The following PRDM16 variants were observed in gnomAD, a reference collection of about 807,000 sequenced individuals.
PRDM16 encodes histone-lysine N-methyltransferase PRDM16.
A neutral mutation model predicts 110.6 loss-of-function variants in PRDM16; 23 were observed. The observed-to-expected ratio is 0.21, with a 90% CI of 0.15 to 0.29. The LOEUF (loss-of-function observed/expected upper bound fraction) is 0.29. PRDM16 is among the 10% of genes least tolerant of loss of function. The probability of loss-of-function intolerance (pLI) is 1.00; values close to 1 mark genes in which losing one functional copy is unlikely to be tolerated. For missense variants in PRDM16, 1,615 were observed against 1,794.3 expected, an observed-to-expected ratio of 0.90 and a Z score of 1.81; for synonymous variants, 799 against 781.8, an observed-to-expected ratio of 1.02 and a Z score of -0.37.
chr1:3,270,899 G>A (rs1003535410), intron 3 of PRDM16, among the ~76,000 whole-genome samples: 1 of 151,886 alleles, frequency 6.6e-6, no homozygotes, highest in African/African-American at 2.4e-5. Context: ...GTTGGGAGGA[G>A]GGCAGTACAG....
At chr1:3,124,975 C>G (rs2100670029) in intron 1 of PRDM16, among the ~76,000 whole-genome samples, 1 of 152,366 alleles carries the variant, frequency 6.6e-6, no homozygotes, top group South Asian at 2.1e-4. Context: ...GTTCCAGCTC[C>G]CGCAATGTTC....
intron 3 of PRDM16, among the ~76,000 whole-genome samples, chr1:3,326,091 C>CTCG (rs1557610851): frequency 4.5e-4 from 58 of 128,336 alleles, no homozygotes; most frequent in East Asian, 1.1e-3. Context: ...CTTGGCCCCC[C>CTCG]TTGGCCATCC....
In PRDM16 at chr1:3,245,654, T is replaced by C. The variant is rs1406122855; in HGVS notation, c.438+1517T>C. 1.3e-5 allele frequency among the ~76,000 whole-genome samples: 2 copies of C among 152,216 alleles called. No individual in the cohort carries two copies. Among genetic ancestry groups the C allele is most frequent in the African/African-American group, 4.8e-5 (2 of 41,458 alleles). ...AGGTCTTCCTGCACCCACGTTTGAC[T>C]GGAGCAAATGGAGCAAATTCCAGGG... On this transcript the variant is annotated intron_variant, in intron 3 of 16. Coordinates refer to ENST00000270722, the MANE Select transcript of PRDM16 (RefSeq NM_022114.4). This position sits in a 1 kb window ranked among gnomAD's most constrained non-coding sequence, Gnocchi z 4.7.
At position 3,114,459 on chromosome 1, in the gene PRDM16, GCA is replaced by G. The variant is rs575467631; in HGVS notation, c.37+45169_37+45170del. ...TAAACAGACGCACACGCACACACAC[GCA>G]CACACGCAGTGTAAACAGACACGCA... On this transcript the variant is annotated intron_variant, in intron 1 of 16. Coordinates refer to ENST00000270722, the MANE Select transcript of PRDM16 (RefSeq NM_022114.4). Among the ~76,000 whole-genome samples the G allele has an allele frequency of 2.0e-3, 275 of 138,222 alleles. 2 individuals are homozygous for G. Among genetic ancestry groups the G allele is most frequent in the African/African-American group, 7.6e-3 (260 of 34,018 alleles). 90.7% of individuals were successfully genotyped at this position (138,222 alleles called of 152,430 possible).
rs940267222 is a variant in PRDM16, at chr1:3,382,850, G to C, written c.439-2302G>C. On this transcript the variant is annotated intron_variant, in intron 3 of 16. Coordinates refer to ENST00000270722, the MANE Select transcript of PRDM16 (RefSeq NM_022114.4). The surrounding 1 kb of genome is among the most constrained non-coding windows in gnomAD (Gnocchi z 6.6). ...GGCACTGTGTACAATGTGCTGTGAC[G>C]TCAGCAGGCCTCTATGGAGAAGTGG... 3.3e-5 allele frequency among the ~76,000 whole-genome samples: 5 copies of C among 152,238 alleles called. No individual in the cohort carries two copies. Among genetic ancestry groups the C allele is most frequent in the Non-Finnish European group, 2.9e-5 (2 of 68,036 alleles).
intron 1 of PRDM16, among the ~76,000 whole-genome samples, chr1:3,141,414 C>A (rs1643547416): frequency 6.6e-6 from 1 of 152,228 alleles, no homozygotes; most frequent in Non-Finnish European, 1.5e-5. Context: ...TCTGCAGCCT[C>A]CTCGGTCTCC....
chr1:3,195,016 C>T (rs574031721), intron 2 of PRDM16, among the ~76,000 whole-genome samples: 3 of 152,324 alleles, frequency 2.0e-5, no homozygotes, highest in Admixed American at 6.5e-5. Flanking sequence ...GGAGGCCTCA[C>T]GTCTAAAACC....
rs1451894889 is a variant in PRDM16, at chr1:3,081,259, A to T, written c.37+11963A>T. ...TGGGTTCGAGGCCCCTCGCGGCTGT[A>T]CCCCGAGTCCCCCGTGCTGGCACCT... On this transcript the variant is annotated intron_variant, in intron 1 of 16. Coordinates refer to ENST00000270722, the MANE Select transcript of PRDM16 (RefSeq NM_022114.4). This position sits in a 1 kb window ranked among gnomAD's most constrained non-coding sequence, Gnocchi z 4.6. Among the ~76,000 whole-genome samples, 1 of 152,122 alleles carries T rather than the reference A, an allele frequency of 6.6e-6. No homozygotes were observed.
intron 3 of PRDM16, chr1:3,306,750 G>T (rs749511007): frequency 2.0e-5 from 3 of 152,258 alleles, no homozygotes; most frequent in South Asian, 2.1e-4. Context: ...ACAGACTTGT[G>T]CAACCATCAC....
chr1:3,137,150 A>C lies in PRDM16; in HGVS notation c.38-48975A>C, dbSNP rs144162922. Among the ~76,000 whole-genome samples, 454 of 152,320 alleles carry C rather than the reference A, an allele frequency of 3.0e-3. 2 individuals are homozygous for C. The highest frequency in any genetic ancestry group is 5.5e-3 in the Non-Finnish European group (375 of 68,022). On this transcript the variant is annotated intron_variant, in intron 1 of 16. Coordinates refer to ENST00000270722, the MANE Select transcript of PRDM16 (RefSeq NM_022114.4). Reference sequence around the variant, plus strand: ...AGCCTGGAGCCACTCCCACCAGAACAGGGTGACCCTGGCTGCCTCCGGCAT... The same window carrying C: ...AGCCTGGAGCCACTCCCACCAGAACCGGGTGACCCTGGCTGCCTCCGGCAT...
intron 2 of PRDM16, among the ~76,000 whole-genome samples, chr1:3,223,816 G>C (rs964359417): frequency 1.1e-4 from 16 of 152,144 alleles, no homozygotes; most frequent in Non-Finnish European, 2.9e-5. Context: ...ACCAGAGTGG[G>C]ACCAGCACAG....
intron 1 of PRDM16, among the ~76,000 whole-genome samples, chr1:3,136,277 G>A (rs890466897): frequency 2.6e-5 from 4 of 152,234 alleles, no homozygotes; most frequent in African/African-American, 4.8e-5. Context: ...AGCCCCGCGC[G>A]ATGCTCCGGG....
chr1:3,236,574 G>A (rs1292428961), intron 2 of PRDM16, among the ~76,000 whole-genome samples: 1 of 152,118 alleles, frequency 6.6e-6, no homozygotes, highest in East Asian at 1.9e-4. Flanking sequence ...GGGTGCCTGG[G>A]TGACCCGGGC....
At chr1:3,316,858 C>T (rs1557602952) in intron 3 of PRDM16, among the ~76,000 whole-genome samples, 1 of 152,184 alleles carries the variant, frequency 6.6e-6, no homozygotes, top group Non-Finnish European at 1.5e-5. Flanking sequence ...GAAACAGTGA[C>T]ACAGTGGAGC....
chr1:3,314,674 C>T (rs1207795460), intron 3 of PRDM16, among the ~76,000 whole-genome samples: 7 of 151,928 alleles, frequency 4.6e-5, no homozygotes, highest in East Asian at 1.9e-4. Flanking sequence ...CGCCTTCGCC[C>T]CCGTAGCCAG....
intron 3 of PRDM16, among the ~76,000 whole-genome samples, chr1:3,292,347 CCCT>C (rs1640994537): frequency 6.6e-6 from 1 of 152,184 alleles, no homozygotes; most frequent in African/African-American, 2.4e-5. Flanking sequence ...CATTTTTAGC[CCCT>C]GGGAATCAAA....
chr1:3,282,532 C>T (rs1303748501), intron 3 of PRDM16, among the ~76,000 whole-genome samples: 5 of 152,184 alleles, frequency 3.3e-5, no homozygotes, highest in Non-Finnish European at 7.4e-5. Context: ...TGATGCTGCT[C>T]CATGCACACC....
intron 3 of PRDM16, among the ~76,000 whole-genome samples, chr1:3,336,833 C>T (rs1372670408): frequency 2.7e-5 from 4 of 147,038 alleles, no homozygotes; most frequent in Non-Finnish European, 4.5e-5. Context: ...TGTGCATGAA[C>T]ATTCACACAC....
intron 3 of PRDM16, among the ~76,000 whole-genome samples, chr1:3,262,811 G>C (rs1234453994): frequency 6.6e-6 from 1 of 152,206 alleles, no homozygotes; most frequent in Non-Finnish European, 1.5e-5. Flanking sequence ...CCACGATGGT[G>C]CTGGGAGGTG....
Sources: gnomAD v4.1 joint callset for allele counts (sites outside exome capture counted in the v4.1 genomes callset) on GRCh38, gnomAD v4.1.1 for gene constraint, Gnocchi (gnomAD v3.1) non-coding constraint, MANE v1.5 for transcripts, NCBI Gene and HGNC (gene_info 2026-07-23, HGNC 2026-07-21) for gene names.